The following CUL5 variants were observed in gnomAD, a reference collection of about 807,000 sequenced individuals.
CUL5 encodes the protein cullin 5, also known as cullin-5.
A neutral mutation model predicts 108.8 loss-of-function variants in CUL5; 26 were observed. That is an observed-to-expected ratio of 0.24 (90% CI 0.18 to 0.33). The LOEUF is 0.33. Among genes scored for constraint, CUL5 ranks in the 10% least tolerant of loss-of-function variants. CUL5 has a pLI of 1.00. For missense variants in CUL5, 524 were observed against 909.2 expected (o/e 0.58, Z 5.45); for synonymous variants, 334 against 298.0 (o/e 1.12, Z -1.25).
chr11:108,021,962 G>C (rs894973316), intron 1 of CUL5, among the ~76,000 whole-genome samples: 3 of 152,000 alleles, frequency 2.0e-5, no homozygotes, highest in African/African-American at 7.3e-5. Context: ...CTGCAAGTGT[G>C]CCCCACCATG....
intron 1 of CUL5, among the ~76,000 whole-genome samples, chr11:108,021,683 T>G (rs1308023496): frequency 1.3e-5 from 2 of 151,984 alleles, no homozygotes; most frequent in African/African-American, 4.8e-5. Flanking sequence ...ATTATTTTAT[T>G]TTATTTTGTT....
intron 10 of CUL5, among the ~76,000 whole-genome samples, chr11:108,075,184 G>T (rs553976857): frequency 1.3e-5 from 2 of 151,928 alleles, no homozygotes; most frequent in African/African-American, 4.8e-5. Context: ...GTCAAAAGTA[G>T]TTCGATAATT....
chr11:108,019,882 C>T (rs1195714905), intron 1 of CUL5, among the ~76,000 whole-genome samples: 1 of 152,100 alleles, frequency 6.6e-6, no homozygotes, highest in Non-Finnish European at 1.5e-5. Flanking sequence ...CAGCCTGCTT[C>T]TACTCATGGC....
chr11:108,064,301 A>G (rs1457438748), intron 7 of CUL5, among the ~76,000 whole-genome samples: 1 of 152,218 alleles, frequency 6.6e-6, no homozygotes, highest in Admixed American at 6.5e-5. Flanking sequence ...TTTGTCTGCC[A>G]TTCTGTTGAT....
chr11:108,082,979 T>G (rs1864133046), intron 11 of CUL5, among the ~76,000 whole-genome samples: 1 of 152,232 alleles, frequency 6.6e-6, no homozygotes, highest in Admixed American at 6.5e-5. Flanking sequence ...CTCAGTTTAT[T>G]TATTGGCTCA....
At chr11:108,086,092 C>T (rs904245257) in intron 11 of CUL5, among the ~76,000 whole-genome samples, 1 of 151,990 alleles carries the variant, frequency 6.6e-6, no homozygotes, top group Non-Finnish European at 1.5e-5. Flanking sequence ...AGTCATAGAG[C>T]ATAGAAAAGA....
chr11:108,093,734 A>G (rs370252839), intron 13 of CUL5, among the ~76,000 whole-genome samples: 3 of 152,322 alleles, frequency 2.0e-5, no homozygotes, highest in South Asian at 2.1e-4. Context: ...TTCAAGCAAC[A>G]GGATCTTCTG....
At chr11:108,034,239 C>T (rs116651865) in intron 2 of CUL5, among the ~76,000 whole-genome samples, 2,380 of 152,238 alleles carry the variant, frequency 0.016, 61 homozygotes, top group African/African-American at 0.054. Flanking sequence ...GGGAGTCACA[C>T]AGGACACACT....
intron 10 of CUL5, chr11:108,073,785 C>T (rs900627537): frequency 5.7e-6 from 1 of 176,504 alleles, no homozygotes; most frequent in Non-Finnish European, 1.2e-5. Flanking sequence ...AATTCCTATT[C>T]ATCCTTCCAT....
At chr11:108,028,765 A>C (rs1402621695) in intron 1 of CUL5, among the ~76,000 whole-genome samples, 1 of 152,134 alleles carries the variant, frequency 6.6e-6, no homozygotes, top group Non-Finnish European at 1.5e-5. Context: ...CAGAGGTTGC[A>C]GTGAGCCGAG....
rs1591320047 is a variant in CUL5, at chr11:108,078,360, T to C, written c.1178+120T>C. ...TTTGTTATTGTTAGTTTTGTGACTT[T>C]TGCAGCTTTTGGCTATTAAAGTTCA... On this transcript the variant is annotated intron_variant, in intron 11 of 18. Coordinates refer to ENST00000393094, the MANE Select transcript of CUL5 (RefSeq NM_003478.6). 4.6e-5 allele frequency: 22 copies of C among 482,478 alleles called. No homozygotes were observed. The East Asian group carries it at 6.0e-4, about 13-fold the overall frequency. The allele number at this position is 482,478 out of a possible 1,614,324, so 29.9% of individuals were successfully genotyped here.
intron 7 of CUL5, among the ~76,000 whole-genome samples, chr11:108,060,810 C>A (rs1467129128): frequency 6.6e-6 from 1 of 151,612 alleles, no homozygotes; most frequent in Admixed American, 6.6e-5. Flanking sequence ...CCAGCTTGGG[C>A]AACGAGTGAA....
chr11:108,075,066 A>G (rs913940110), intron 10 of CUL5, among the ~76,000 whole-genome samples: 7 of 152,194 alleles, frequency 4.6e-5, no homozygotes. Flanking sequence ...TGGCTGTTGT[A>G]AAAAATATAC....
At chr11:108,021,430 G>A (rs1862323919) in intron 1 of CUL5, among the ~76,000 whole-genome samples, 1 of 152,154 alleles carries the variant, frequency 6.6e-6, no homozygotes, top group Non-Finnish European at 1.5e-5. Context: ...TAAGCAAGAT[G>A]TAGCAAGATA....
chr11:108,067,113 T>C (rs1021387322), intron 7 of CUL5, among the ~76,000 whole-genome samples: 2 of 152,240 alleles, frequency 1.3e-5, no homozygotes, highest in Non-Finnish European at 2.9e-5. Flanking sequence ...TTGGAAGTTA[T>C]GTGGCTACTC....
chr11:108,047,028 A>G (rs531867901), intron 3 of CUL5, among the ~76,000 whole-genome samples: 1 of 152,240 alleles, frequency 6.6e-6, no homozygotes, highest in South Asian at 2.1e-4. Flanking sequence ...CTATAACATG[A>G]GGTCTGGGAC....
intron 2 of CUL5, among the ~76,000 whole-genome samples, chr11:108,034,716 G>C (rs969275217): frequency 2.0e-5 from 3 of 152,168 alleles, no homozygotes; most frequent in African/African-American, 7.2e-5. Flanking sequence ...TCTCTTCCCA[G>C]CTGCTGTGTT....
At chr11:108,103,139 A>G (rs1864711786) in intron 18 of CUL5, among the ~76,000 whole-genome samples, 1 of 152,240 alleles carries the variant, frequency 6.6e-6, no homozygotes, top group Non-Finnish European at 1.5e-5. Flanking sequence ...GGTACTGGAA[A>G]AGGTAAAAGA....
chr11:108,060,274 A>G (rs1863501173), intron 7 of CUL5, among the ~76,000 whole-genome samples: 1 of 152,222 alleles, frequency 6.6e-6, no homozygotes, highest in South Asian at 2.1e-4. Context: ...TAGTACAGAA[A>G]GAATCTTAGT....
Sources: gnomAD v4.1 joint callset for allele counts (sites outside exome capture counted in the v4.1 genomes callset) on GRCh38, gnomAD v4.1.1 for gene constraint, MANE v1.5 for transcripts, NCBI Gene and HGNC (gene_info 2026-07-23, HGNC 2026-07-21) for gene names.